DMD: variants seen among roughly 807,000 people sequenced by gnomAD.
The protein encoded by DMD is dystrophin, also known as mutant dystrophin.
Under a neutral mutation model 330.1 loss-of-function variants are expected in DMD, and 63 were observed. That is an observed-to-expected ratio of 0.19 (90% CI 0.16 to 0.24). DMD has a LOEUF of 0.24. Ranked by LOEUF, DMD falls within the 10% of genes least tolerant of loss-of-function variation. The pLI, the probability that DMD is intolerant of heterozygous loss-of-function variation, is 1.00. For missense variants in DMD, 3,344 were observed against 2,684.1 expected (o/e 1.25, Z -5.43); for synonymous variants, 1,223 against 959.8 (o/e 1.27, Z -5.07).
At chrX:32,613,960 T>C (rs900553262) in intron 12 of DMD, among the ~76,000 whole-genome samples, 2 of 109,868 alleles carry the variant, frequency 1.8e-5, no homozygotes, top group Non-Finnish European at 3.8e-5. Context: ...TTTCACAGAG[T>C]TTTCACATGG....
At chrX:31,181,602 T>G (rs1420619546) in intron 68 of DMD, among the ~76,000 whole-genome samples, 1 of 111,913 alleles carries the variant, frequency 8.9e-6, no homozygotes, top group Admixed American at 9.5e-5. Flanking sequence ...AGGTGACCTT[T>G]GCAAGCAGTA....
At chrX:32,527,044 G>A (rs1352266626) in intron 17 of DMD, among the ~76,000 whole-genome samples, 4 of 111,847 alleles carry the variant, frequency 3.6e-5, no homozygotes, top group Non-Finnish European at 5.6e-5. Flanking sequence ...TTTATGAATG[G>A]CCATTTTACA....
intron 43 of DMD, among the ~76,000 whole-genome samples, chrX:32,280,144 GTATATATATATATATA>G (rs200390755): frequency 1.1e-4 from 5 of 46,158 alleles, no homozygotes; most frequent in Non-Finnish European, 1.8e-4. Context: ...TATATATACA[GTATATATATATATATA>G]TACAGTATAT....
At chrX:31,565,466 T>C (rs1394072421) in intron 55 of DMD, among the ~76,000 whole-genome samples, 1 of 112,527 alleles carries the variant, frequency 8.9e-6, no homozygotes, top group Non-Finnish European at 1.9e-5. Context: ...GTTGCATGTA[T>C]AAATATTTCA....
At chrX:31,653,893 T>C (rs901965805) in intron 54 of DMD, among the ~76,000 whole-genome samples, 9 of 111,614 alleles carry the variant, frequency 8.1e-5, no homozygotes, top group African/African-American at 2.9e-4. Flanking sequence ...ATAATCTATG[T>C]TCAGATCTGG....
At position 33,009,236 on chromosome X, in the gene DMD, A is replaced by G. The variant is rs774961946; in HGVS notation, c.93+10903T>C. On this transcript the variant is annotated intron_variant, in intron 2 of 78. Coordinates refer to ENST00000357033, the MANE Select transcript of DMD (RefSeq NM_004006.3). ...CACATATGTGCATATATGTGTATAT[A>G]TACACATGTGCATATATGTGTATGT... 1.2e-4 allele frequency among the ~76,000 whole-genome samples: 10 copies of G among 85,585 alleles called. 2 individuals carry two copies. The highest frequency in any genetic ancestry group is 5.0e-4 in the African/African-American group (10 of 19,987). The allele number at this position is 85,585 out of a possible 115,157, so 74.3% of individuals were successfully genotyped here.
At chrX:31,141,201 AAACAACAACAAC>A (rs34805586) in intron 76 of DMD, among the ~76,000 whole-genome samples, 6 of 105,920 alleles carry the variant, frequency 5.7e-5, no homozygotes, top group African/African-American at 7.5e-5. Flanking sequence ...CACACAAAAG[AAACAACAACAAC>A]AACAACAACA....
chrX:31,497,952 G>A (rs2070037809), intron 56 of DMD, among the ~76,000 whole-genome samples: 1 of 112,251 alleles, frequency 8.9e-6, no homozygotes, highest in Non-Finnish European at 1.9e-5. Context: ...AAGCAACCAG[G>A]TGGAGCAACA....
At chrX:31,472,589 G>A (rs976051060) in intron 59 of DMD, among the ~76,000 whole-genome samples, 2 of 111,775 alleles carry the variant, frequency 1.8e-5, no homozygotes, top group African/African-American at 6.5e-5. Context: ...CTAACATAGC[G>A]TTTCTTTGAC....
chrX:31,963,501 T>C (rs2095325200), intron 45 of DMD, among the ~76,000 whole-genome samples: 1 of 111,578 alleles, frequency 9.0e-6, no homozygotes, highest in Non-Finnish European at 1.9e-5. Flanking sequence ...CAAGGTAATC[T>C]GAAAATATTA....
In DMD at chrX:31,325,062, G is replaced by A. The variant is rs149681777; in HGVS notation, c.9164-1404C>T. Among the ~76,000 whole-genome samples the A allele has an allele frequency of 3.6e-3, 401 of 111,789 alleles. 2 individuals carry two copies. Among genetic ancestry groups the A allele is most frequent in the African/African-American group, 0.012 (360 of 30,824 alleles). ...ATTATGCTTTTTCATTTTGGCAGAC[G>A]GAAATTTTTAATACAGAGAAAAAAG... On this transcript the variant is annotated intron_variant, in intron 61 of 78. Transcript: ENST00000357033.
Position 32,506,511 on chromosome X carries a change from T to C in DMD, c.2293-4669A>G, listed in dbSNP as rs908788353. Among the ~76,000 whole-genome samples, 3 of 109,202 alleles carry C rather than the reference T, an allele frequency of 2.7e-5. No homozygotes were observed. In the South Asian group the frequency reaches 1.2e-3, roughly 43 times the overall value. The allele number at this position is 109,202 out of a possible 115,157, so 94.8% of individuals were successfully genotyped here. On this transcript the variant is annotated intron_variant, in intron 18 of 78. Coordinates refer to ENST00000357033, the MANE Select transcript of DMD (RefSeq NM_004006.3). ...AATACTAATTAAAACTGAGAATAAA[T>C]TAAGAGTAAAATTTAAAAAAAATCT...
intron 55 of DMD, among the ~76,000 whole-genome samples, chrX:31,509,507 G>A (rs1471379178): frequency 9.0e-6 from 1 of 111,638 alleles, no homozygotes; most frequent in East Asian, 2.8e-4. Flanking sequence ...ATTCTCACTA[G>A]TAGCATCAGT....
chrX:32,343,013 A>G, intron 40 of DMD, 121 bp downstream of exon 40: 1 of 700,844 alleles, frequency 1.4e-6, no homozygotes, highest in East Asian at 3.3e-5. Context: ...AATACAAGGA[A>G]ATGCATCAAA....
At chrX:31,728,215 C>T (rs1018794075) in intron 52 of DMD, among the ~76,000 whole-genome samples, 329 of 110,615 alleles carry the variant, frequency 3.0e-3, no homozygotes, top group Non-Finnish European at 4.2e-3. Context: ...TTAGTAGAGA[C>T]GGGGTTTCAC....
intron 53 of DMD, among the ~76,000 whole-genome samples, chrX:31,665,846 T>C (rs2081394928): frequency 8.9e-6 from 1 of 111,853 alleles, no homozygotes; most frequent in Admixed American, 9.5e-5. Context: ...CCCTCTTTAC[T>C]TTCAGGCCCC....
At chrX:31,835,524 C>T (rs187252458) in intron 49 of DMD, among the ~76,000 whole-genome samples, 1 of 111,724 alleles carries the variant, frequency 9.0e-6, no homozygotes, top group African/African-American at 3.3e-5. Context: ...TGGATACAAA[C>T]TACTTTTCTA....
intron 7 of DMD, among the ~76,000 whole-genome samples, chrX:32,709,128 T>A (rs1603227883): frequency 8.9e-6 from 1 of 111,839 alleles, no homozygotes; most frequent in East Asian, 2.8e-4. Flanking sequence ...GAGTTTGGAG[T>A]TTCTGGCTTC....
chrX:33,310,379 A>G (rs2053831507), intron 1 of DMD, among the ~76,000 whole-genome samples: 1 of 111,301 alleles, frequency 9.0e-6, no homozygotes. Flanking sequence ...TGCCATTACC[A>G]CAATAGTCCA....
Sources: gnomAD v4.1 joint callset for allele counts (sites outside exome capture counted in the v4.1 genomes callset) on GRCh38, gnomAD v4.1.1 for gene constraint, MANE v1.5 for transcripts, NCBI Gene and HGNC (gene_info 2026-07-23, HGNC 2026-07-21) for gene names.